The following VOPP1 variants were observed in gnomAD, a reference collection of about 807,000 sequenced individuals.
VOPP1 encodes WW domain binding protein VOPP1.
Under a neutral mutation model 23.5 loss-of-function variants are expected in VOPP1, and 8 were observed. That is an observed-to-expected ratio of 0.34 (90% confidence interval 0.20 to 0.61). The LOEUF (loss-of-function observed/expected upper bound fraction) is 0.61. VOPP1 is among the 20% of genes least tolerant of loss of function. The probability of loss-of-function intolerance (pLI) is 0.78; values close to 1 mark genes in which losing one functional copy is unlikely to be tolerated. For synonymous variants in VOPP1, 83 were observed against 97.3 expected, an observed-to-expected ratio of 0.85 and a Z score of 0.86; for missense variants, 174 against 238.1, an observed-to-expected ratio of 0.73 and a Z score of 1.77.
chr7:55,493,762 A>G (rs375530228), intron 3 of VOPP1, among the ~76,000 whole-genome samples: 2 of 152,338 alleles, frequency 1.3e-5, no homozygotes, highest in East Asian at 3.9e-4. Flanking sequence ...ACAATTATTT[A>G]TCTACAACCT....
intron 4 of VOPP1, among the ~76,000 whole-genome samples, chr7:55,463,169 T>G (rs1053626447): frequency 6.6e-6 from 1 of 152,272 alleles, no homozygotes; most frequent in Non-Finnish European, 1.5e-5. Context: ...ATGTTTCATG[T>G]GCTGACAAGA....
At chr7:55,473,212 A>G (rs904633158) in intron 4 of VOPP1, among the ~76,000 whole-genome samples, 167 bp from the exon 5 acceptor site, 2 of 152,138 alleles carry the variant, frequency 1.3e-5, no homozygotes, top group African/African-American at 4.8e-5. Flanking sequence ...GGTGACAAGC[A>G]ACACAATAGG....
intron 4 of VOPP1, among the ~76,000 whole-genome samples, chr7:55,476,918 G>T (rs1202554262): frequency 6.6e-6 from 1 of 152,170 alleles, no homozygotes; most frequent in Admixed American, 6.5e-5. Flanking sequence ...GTGTCTCACC[G>T]CCTGCCCTAT....
rs117640227 is a variant in VOPP1 at position 55,518,861 on chromosome 7, G to A, written c.113+2211C>T. On this transcript the variant is annotated intron_variant, in intron 2 of 4. Coordinates refer to ENST00000285279, the MANE Select transcript of VOPP1 (RefSeq NM_030796.5). ...AAGTGACATGGAAATTTACAAAGAC[G>A]TGAGAACTGGACAGGAGAAGAGGCT... Among the ~76,000 whole-genome samples, 37 of 152,334 alleles carry A rather than the reference G, an allele frequency of 2.4e-4. No homozygotes were observed. In the East Asian group the frequency reaches 4.8e-3, roughly 20 times the overall value.
intron 2 of VOPP1, among the ~76,000 whole-genome samples, chr7:55,511,394 T>C (rs1325255654): frequency 6.6e-6 from 1 of 152,204 alleles, no homozygotes; most frequent in African/African-American, 2.4e-5. Context: ...TGAAACATCA[T>C]ACCAAACGGA....
At chr7:55,535,245 C>A (rs1796716867) in intron 1 of VOPP1, among the ~76,000 whole-genome samples, 1 of 152,240 alleles carries the variant, frequency 6.6e-6, no homozygotes, top group South Asian at 2.1e-4. Flanking sequence ...TCCCCATTCA[C>A]TGTGGGTTTC....
At chr7:55,511,465 T>C (rs1795066108) in intron 2 of VOPP1, among the ~76,000 whole-genome samples, 1 of 152,206 alleles carries the variant, frequency 6.6e-6, no homozygotes, top group Non-Finnish European at 1.5e-5. Flanking sequence ...ACCAAGTGAA[T>C]TATTAAAAAT....
chr7:55,440,531 G>A (rs990374525), intron 4 of VOPP1, among the ~76,000 whole-genome samples: 1 of 152,242 alleles, frequency 6.6e-6, no homozygotes, highest in Non-Finnish European at 1.5e-5. Context: ...GACTGACAGC[G>A]GCTGGGCTCA....
chr7:55,521,759 T>G (rs1033767719), intron 1 of VOPP1: 1 of 968,010 alleles, frequency 1.0e-6, no homozygotes. Flanking sequence ...CAGGGCAGGG[T>G]GGGTGAGTGC....
At chr7:55,481,249 A>G (rs1426012885) in intron 4 of VOPP1, among the ~76,000 whole-genome samples, 1 of 152,182 alleles carries the variant, frequency 6.6e-6, no homozygotes, top group African/African-American at 2.4e-5. Flanking sequence ...GGGCCACAGG[A>G]GAGGCCAGAG....
intron 1 of VOPP1, among the ~76,000 whole-genome samples, chr7:55,523,533 G>A (rs780855651): frequency 1.3e-5 from 2 of 152,166 alleles, no homozygotes; most frequent in Non-Finnish European, 2.9e-5. Flanking sequence ...TGCTGAAACT[G>A]CCTGCCCTGA....
In VOPP1 at chr7:55,472,307, GA is replaced by G. The variant is rs1224157316; in HGVS notation, c.*547del. 6 of 146,172 alleles carry G rather than the reference GA, an allele frequency of 4.1e-5. No individual in the cohort carries two copies. The highest frequency in any genetic ancestry group is 9.0e-5 in the Non-Finnish European group (6 of 66,734). The allele number at this position is 146,172 out of a possible 1,614,324, so 9.1% of individuals were successfully genotyped here. A position where few individuals can be genotyped will look rare whatever the true frequency, so the allele number is the denominator to read the frequency against. ...TATCTTTAGGATATGAACAGAGACA[GA>G]AACATGACAAGGGGCTTGCTCTCTC... On this transcript the variant is annotated 3_prime_UTR_variant, in exon 5 of 5. Transcript: ENST00000285279.
intron 2 of VOPP1, among the ~76,000 whole-genome samples, chr7:55,501,299 AT>A (rs1463822859): frequency 7.9e-5 from 12 of 152,252 alleles, no homozygotes; most frequent in Admixed American, 3.9e-4. Flanking sequence ...CCCCCACAAC[AT>A]TAGCTGTTTT....
chr7:55,524,132 A>G (rs1356212870), intron 1 of VOPP1, among the ~76,000 whole-genome samples: 1 of 152,148 alleles, frequency 6.6e-6, no homozygotes, highest in Non-Finnish European at 1.5e-5. Context: ...GAAGGGCACC[A>G]TTTCCATCCT....
chr7:55,443,694 G>T (rs1243422511), intron 4 of VOPP1, among the ~76,000 whole-genome samples: 1 of 148,784 alleles, frequency 6.7e-6, no homozygotes, highest in Non-Finnish European at 1.5e-5. Context: ...ACCCAGGCTG[G>T]AGTGCAATGA....
intron 1 of VOPP1, among the ~76,000 whole-genome samples, chr7:55,567,453 G>C (rs1447121456): frequency 6.6e-6 from 1 of 152,230 alleles, no homozygotes; most frequent in Admixed American, 6.5e-5. Context: ...GCTTCATCAA[G>C]AGGACATGAT....
At chr7:55,436,308 CAA>C (rs944323602) in intron 4 of VOPP1, 4 of 152,178 alleles carry the variant, frequency 2.6e-5, no homozygotes, top group African/African-American at 7.2e-5. Flanking sequence ...GGAACTTGGT[CAA>C]GTTATTTCTT....
At chr7:55,552,737 T>G (rs1797662146) in intron 1 of VOPP1, 1 of 1,534,668 alleles carries the variant, frequency 6.5e-7, no homozygotes, top group South Asian at 1.2e-5. Context: ...GTCGCCAGGT[T>G]GCCGGCACAC....
At chr7:55,517,642 A>T (rs1418216457) in intron 2 of VOPP1, among the ~76,000 whole-genome samples, 2 of 152,106 alleles carry the variant, frequency 1.3e-5, no homozygotes, top group East Asian at 3.9e-4. Flanking sequence ...GGCTTCAGAG[A>T]TCAAAAATAA....
Sources: allele counts gnomAD v4.1 joint callset (sites outside exome capture counted in the v4.1 genomes callset), GRCh38; gene constraint gnomAD v4.1.1; transcripts MANE v1.5; gene names NCBI Gene and HGNC (gene_info 2026-07-23, HGNC 2026-07-21).